PRR16: variants seen among roughly 807,000 people sequenced by gnomAD.
PRR16 encodes the protein proline rich 16.
Under a neutral mutation model 18.2 loss-of-function variants are expected in PRR16, and 6 were observed. The ratio of observed to expected loss-of-function variants is 0.33; its 90% CI spans 0.18 to 0.65. The LOEUF (loss-of-function observed/expected upper bound fraction) is 0.65, where lower values mean the gene tolerates loss of function less well. Among genes scored for constraint, PRR16 ranks in the 30% least tolerant of loss-of-function variants. The pLI is 0.74. For missense variants in PRR16, 412 were observed against 376.6 expected (o/e 1.09, Z -0.78); for synonymous variants, 151 against 147.8 (o/e 1.02, Z -0.16).
intron 1 of PRR16, among the ~76,000 whole-genome samples, chr5:120,625,943 A>C (rs187518719): frequency 1.3e-5 from 2 of 152,246 alleles, no homozygotes; most frequent in East Asian, 3.9e-4. Context: ...GTCTTGCTTA[A>C]TTTAGAACTA....
chr5:120,728,870 T>G, the PRR16 span, among the ~76,000 whole-genome samples: 1 of 152,196 alleles, frequency 6.6e-6, no homozygotes, highest in Non-Finnish European at 1.5e-5. Context: ...ACTGCAAGGC[T>G]ATATGCATTT....
At chr5:120,634,264 C>G (rs1755154640) in intron 1 of PRR16, among the ~76,000 whole-genome samples, 1 of 152,114 alleles carries the variant, frequency 6.6e-6, no homozygotes, top group Admixed American at 6.6e-5. Context: ...CTACTTCAAA[C>G]TGAATGATAG....
chr5:120,471,703 G>A (rs1210963948), intron 1 of PRR16, among the ~76,000 whole-genome samples: 3 of 152,036 alleles, frequency 2.0e-5, no homozygotes, highest in South Asian at 2.1e-4. Flanking sequence ...GAATAGAAAT[G>A]TTTTTATTGT....
intron 1 of PRR16, among the ~76,000 whole-genome samples, chr5:120,609,927 G>T (rs1754281015): frequency 6.6e-6 from 1 of 152,120 alleles, no homozygotes; most frequent in African/African-American, 2.4e-5. Context: ...CTCCTGAAGT[G>T]CTAGTCTCTT....
intron 1 of PRR16, among the ~76,000 whole-genome samples, chr5:120,546,262 A>G (rs1049140582): frequency 6.6e-6 from 1 of 152,128 alleles, no homozygotes. Flanking sequence ...GGTTATATAC[A>G]TAAGCATGGT....
chr5:120,471,039 G>C (rs974987564), intron 1 of PRR16, among the ~76,000 whole-genome samples: 6 of 152,082 alleles, frequency 3.9e-5, no homozygotes, highest in Non-Finnish European at 8.8e-5. Context: ...TATGGACACT[G>C]TTTCTTAAAT....
the PRR16 span, among the ~76,000 whole-genome samples, chr5:120,788,340 G>C: frequency 6.6e-6 from 1 of 152,044 alleles, no homozygotes; most frequent in Admixed American, 6.6e-5. Flanking sequence ...AAAGGCTGCT[G>C]AAGACTCCCA....
chr5:120,730,776 G>C, the PRR16 span, among the ~76,000 whole-genome samples: 1 of 152,110 alleles, frequency 6.6e-6, no homozygotes, highest in African/African-American at 2.4e-5. Flanking sequence ...CAAATAGAGA[G>C]TCAAAATTAT....
chr5:120,560,499 A>G (rs901293067), intron 1 of PRR16, among the ~76,000 whole-genome samples: 1 of 151,840 alleles, frequency 6.6e-6, no homozygotes, highest in Non-Finnish European at 1.5e-5. Context: ...CTTGGTCATG[A>G]TAATTGATGT....
At chr5:120,610,714 A>G (rs1008596270) in intron 1 of PRR16, among the ~76,000 whole-genome samples, 12 of 152,214 alleles carry the variant, frequency 7.9e-5, no homozygotes, top group Non-Finnish European at 1.5e-4. Flanking sequence ...ATGTGGAACT[A>G]TAAGTCCAAT....
the PRR16 span, among the ~76,000 whole-genome samples, chr5:120,731,583 T>C: frequency 6.6e-6 from 1 of 152,192 alleles, no homozygotes. Context: ...TGTTAAAATT[T>C]ACCAGCACAT....
intron 1 of PRR16, among the ~76,000 whole-genome samples, chr5:120,563,745 A>C (rs1752649006): frequency 6.6e-6 from 1 of 152,122 alleles, no homozygotes; most frequent in Non-Finnish European, 1.5e-5. Context: ...CTGAGCTGCT[A>C]TCTATCTGAT....
intron 1 of PRR16, among the ~76,000 whole-genome samples, chr5:120,577,421 C>G (rs1279246859): frequency 1.3e-5 from 2 of 151,584 alleles, no homozygotes; most frequent in African/African-American, 4.9e-5. Context: ...AATAATTTGA[C>G]TGGCATACTA....
intron 1 of PRR16, among the ~76,000 whole-genome samples, chr5:120,511,856 T>C (rs752512605): frequency 2.2e-4 from 34 of 152,182 alleles, no homozygotes; most frequent in Admixed American, 5.2e-4. Context: ...GTTGTGTGCT[T>C]CACATCAATT....
At chr5:120,497,309 A>G (rs541889228) in intron 1 of PRR16, among the ~76,000 whole-genome samples, 36 of 146,192 alleles carry the variant, frequency 2.5e-4, no homozygotes, top group Middle Eastern at 3.6e-3. Context: ...GAACTGTTCA[A>G]CTATAATTGT....
At chr5:120,784,295 A>C in the PRR16 span, among the ~76,000 whole-genome samples, 9,229 of 152,222 alleles carry the variant, frequency 0.061, 655 homozygotes, top group African/African-American at 0.17. Flanking sequence ...ACTATTTTTC[A>C]TAATGGCTAT....
chr5:120,559,743 G>A (rs1237917765), intron 1 of PRR16, among the ~76,000 whole-genome samples: 3 of 151,968 alleles, frequency 2.0e-5, no homozygotes, highest in East Asian at 3.9e-4. Flanking sequence ...ATTACTTCGG[G>A]TAGTATGAAC....
At chr5:120,503,150 G>A (rs1750523107) in intron 1 of PRR16, among the ~76,000 whole-genome samples, 1 of 152,028 alleles carries the variant, frequency 6.6e-6, no homozygotes, top group Non-Finnish European at 1.5e-5. Context: ...GTAAATATGA[G>A]TACTGAACAT....
chr5:120,516,770 A>C (rs1751011495), intron 1 of PRR16, among the ~76,000 whole-genome samples: 2 of 152,176 alleles, frequency 1.3e-5, no homozygotes, highest in South Asian at 4.1e-4. Context: ...TGGACATTTC[A>C]AAGGCAGAGA....
Sources: gnomAD v4.1 joint callset for allele counts (sites outside exome capture counted in the v4.1 genomes callset) on GRCh38, gnomAD v4.1.1 for gene constraint, MANE v1.5 for transcripts, NCBI Gene and HGNC (gene_info 2026-07-23, HGNC 2026-07-21) for gene names.